ASB9: variants seen among roughly 807,000 people sequenced by gnomAD.
The protein encoded by ASB9 is ankyrin repeat and SOCS box protein 9.
In ASB9, 5 loss-of-function variants were observed where a neutral mutation model predicts 16.6. The observed-to-expected ratio is 0.30, with a 90% CI of 0.16 to 0.63. The LOEUF is 0.63. ASB9 is among the 30% of genes least tolerant of loss of function. The pLI is 0.82. For synonymous variants in ASB9, 100 were observed against 86.4 expected, an observed-to-expected ratio of 1.16 and a Z score of -0.87; for missense variants, 216 against 229.4, an observed-to-expected ratio of 0.94 and a Z score of 0.38.
At chrX:15,258,078 T>C (rs1343281206) in intron 2 of ASB9, among the ~76,000 whole-genome samples, 3 of 112,050 alleles carry the variant, frequency 2.7e-5, no homozygotes, top group African/African-American at 6.5e-5. Context: ...ATGGTTACTG[T>C]ATCATGTCAC....
intron 1 of ASB9, among the ~76,000 whole-genome samples, chrX:15,260,389 C>A: frequency 8.9e-6 from 1 of 112,048 alleles, no homozygotes; most frequent in Non-Finnish European, 1.9e-5. Flanking sequence ...CACAGTGAGA[C>A]TCTGTCTCAA....
chrX:15,245,432 G>A (rs755412601), intron 6 of ASB9, among the ~76,000 whole-genome samples: 2 of 30,665 alleles, frequency 6.5e-5, no homozygotes, highest in South Asian at 5.2e-3. Context: ...TCAAGGTTGA[G>A]AAACTCTGTT....
Position 15,244,615 on chromosome X carries a change from A to C in ASB9, c.776T>G (p.Met259Arg). 1 of 1,205,712 alleles carries C rather than the reference A, an allele frequency of 8.3e-7. No individual in the cohort carries two copies. The highest frequency in any genetic ancestry group is 1.1e-6 in the Non-Finnish European group (1 of 891,008). The change falls in exon 7 of 7, where the codon ATG (methionine) becomes AGG (arginine). Residue 259 changes from methionine (M) to arginine (R), a missense_variant. Met to Arg is a moderately conservative substitution (Grantham distance 91). Coordinates refer to ENST00000380488, the MANE Select transcript of ASB9 (RefSeq NM_001031739.3). ...FLEREGPPSL[M>R]QLCRLRIRKC... ...CCGAATTCTAAGGCGGCATAACTGC[A>C]TCAAAGAAGGGGGCCCTGGAGAAAG...
chrX:15,261,819 C>T (rs1468596237), intron 1 of ASB9, among the ~76,000 whole-genome samples: 17 of 112,063 alleles, frequency 1.5e-4, no homozygotes, highest in Admixed American at 1.5e-3. Context: ...TACAATACAC[C>T]CATTTAATGT....
At chrX:15,266,057 C>T (rs1039203139) in intron 1 of ASB9, among the ~76,000 whole-genome samples, 3 of 111,197 alleles carry the variant, frequency 2.7e-5, no homozygotes, top group African/African-American at 9.8e-5. Flanking sequence ...CCTGCCTCGG[C>T]CTCCCAAAGT....
chrX:15,258,949 T>C lies in ASB9; in HGVS notation c.95-4A>G. ...GGAGACCAATCAGACACAGCATCTG[T>C]ATGGAAAGAGGGGAATGGGTTATAT... On this transcript the variant is annotated splice_polypyrimidine_tract_variant and splice_region_variant and intron_variant, in intron 1 of 6. Transcript: ENST00000380488. 8.4e-7 allele frequency: 1 copy of C among 1,196,895 alleles called. No individual in the cohort carries two copies. The highest frequency in any genetic ancestry group is 1.1e-6 in the Non-Finnish European group (1 of 882,415).
intron 1 of ASB9, among the ~76,000 whole-genome samples, chrX:15,267,455 T>A (rs1426117954): frequency 1.1e-5 from 1 of 87,387 alleles, no homozygotes; most frequent in Non-Finnish European, 2.2e-5. Context: ...TAATTCCTTG[T>A]AAAAAGTGGC....
chrX:15,266,294 A>G (rs1473367893), intron 1 of ASB9, among the ~76,000 whole-genome samples: 2 of 112,044 alleles, frequency 1.8e-5, no homozygotes, highest in Admixed American at 1.9e-4. Context: ...GAGGCACATG[A>G]GAATTTGAGA....
chrX:15,247,570 G>C (rs1924771761), intron 6 of ASB9, among the ~76,000 whole-genome samples: 1 of 112,360 alleles, frequency 8.9e-6, no homozygotes, highest in East Asian at 2.8e-4. Context: ...TTTCACAACT[G>C]TGTTGGTATA....
chrX:15,261,926 C>G (rs187164364), intron 1 of ASB9, among the ~76,000 whole-genome samples: 74 of 112,209 alleles, frequency 6.6e-4, no homozygotes, highest in African/African-American at 1.6e-3. Flanking sequence ...AACTCTGTGC[C>G]CATTAGCAGT....
At position 15,244,353 on chromosome X, in the gene ASB9, T is replaced by C. The variant is rs936210950; in HGVS notation, c.*153A>G. 38 of 635,846 alleles carry C rather than the reference T, an allele frequency of 6.0e-5. No homozygotes were observed. The African/African-American group carries it at 7.2e-4, about 12-fold the overall frequency. The allele number at this position is 635,846 out of a possible 1,213,427, so 52.4% of individuals were successfully genotyped here. A position where few individuals can be genotyped will look rare whatever the true frequency, so the allele number is the denominator to read the frequency against. ...ACAAATACAAATTGAATAGAAAAAATTAGTCAAACTCCATAAACAAGTTTA... is the reference window on the plus strand; with the variant it reads ...ACAAATACAAATTGAATAGAAAAAACTAGTCAAACTCCATAAACAAGTTTA... On this transcript the variant is annotated 3_prime_UTR_variant, in exon 7 of 7. Coordinates refer to ENST00000380488, the MANE Select transcript of ASB9 (RefSeq NM_001031739.3).
chrX:15,260,614 T>C (rs1925899050), intron 1 of ASB9, among the ~76,000 whole-genome samples: 1 of 111,575 alleles, frequency 9.0e-6, no homozygotes, highest in South Asian at 3.8e-4. Context: ...TGAACCTGCT[T>C]CAGCTCCAGC....
At chrX:15,265,928 C>G (rs762487744) in intron 1 of ASB9, among the ~76,000 whole-genome samples, 13 of 109,902 alleles carry the variant, frequency 1.2e-4, no homozygotes, top group Admixed American at 2.9e-4. Context: ...CTCAGCCTCC[C>G]GGGTAGCTGG....
intron 2 of ASB9, among the ~76,000 whole-genome samples, chrX:15,258,566 A>G (rs1602151858): frequency 1.8e-5 from 2 of 112,289 alleles, no homozygotes; most frequent in Non-Finnish European, 3.8e-5. Flanking sequence ...ACTCAGCTCT[A>G]TCTGAAATTT....
chrX:15,257,348 G>C (rs1030963438), intron 2 of ASB9, among the ~76,000 whole-genome samples: 1 of 110,907 alleles, frequency 9.0e-6, no homozygotes, highest in Non-Finnish European at 1.9e-5. Context: ...GGAGGTTGCA[G>C]TGAGCCGAGA....
chrX:15,257,488 TACA>T (rs1037558008), intron 2 of ASB9, among the ~76,000 whole-genome samples: 97 of 111,484 alleles, frequency 8.7e-4, no homozygotes, highest in African/African-American at 2.9e-3. Context: ...GTAAATGAAA[TACA>T]ACAACACAGC....
chrX:15,250,739 A>T (rs1368028250), intron 4 of ASB9, among the ~76,000 whole-genome samples, 175 bp from the exon 5 acceptor site: 1 of 111,975 alleles, frequency 8.9e-6, no homozygotes, highest in Non-Finnish European at 1.9e-5. Context: ...ATTTTATTTT[A>T]GAAACGGAGT....
At position 15,250,680 on chromosome X, in the gene ASB9, G is replaced by A; in HGVS notation, c.434-116C>T. 3 of 626,598 alleles carry A rather than the reference G, an allele frequency of 4.8e-6. No individual in the cohort carries two copies. In the South Asian group the frequency reaches 1.2e-4, roughly 24 times the overall value. The allele number at this position is 626,598 out of a possible 1,213,427, so 51.6% of individuals were successfully genotyped here. A position where few individuals can be genotyped will look rare whatever the true frequency, so the allele number is the denominator to read the frequency against. On this transcript the variant is annotated intron_variant, in intron 4 of 6. Coordinates refer to ENST00000380488, the MANE Select transcript of ASB9 (RefSeq NM_001031739.3). ...AGCAGCTTATCCAGGGGACCAAAAA[G>A]CTATTTCCTTCAATTAGAATCAGGA...
chrX:15,269,805 G>T lies in ASB9; in HGVS notation c.70C>A (p.Leu24Ile). 1 of 1,208,425 alleles carries T rather than the reference G, an allele frequency of 8.3e-7. No individual in the cohort carries two copies. Among genetic ancestry groups the T allele is most frequent in the Non-Finnish European group, 1.1e-6 (1 of 893,972 alleles). Reference sequence around the variant, plus strand: ...CCGCCCATCAATGGGTTTGAAAGAAGCCTGATGCCAGGAAAGTCCCTTGGC... The same window carrying T: ...CCGCCCATCAATGGGTTTGAAAGAATCCTGATGCCAGGAAAGTCCCTTGGC... ...AGPRDFPGIR[L>I]LSNPLMGDAV... Residue 24 changes from leucine to isoleucine, a missense_variant, in exon 1 of 7, where the codon CTT becomes ATT. Leu to Ile is a conservative substitution (Grantham distance 5). Coordinates refer to ENST00000380488, the MANE Select transcript of ASB9 (RefSeq NM_001031739.3).
Sources: gnomAD v4.1 joint callset for allele counts (sites outside exome capture counted in the v4.1 genomes callset) on GRCh38, gnomAD v4.1.1 for gene constraint, MANE v1.5 for transcripts, NCBI Gene and HGNC (gene_info 2026-07-23, HGNC 2026-07-21) for gene names.